ATP8A2: variants seen among roughly 807,000 people sequenced by gnomAD.
The protein encoded by ATP8A2 is phospholipid-transporting ATPase IB.
ATP8A2 carries 100 observed loss-of-function variants against 165.6 expected under a neutral mutation model. The ratio of observed to expected loss-of-function variants is 0.60; its 90% confidence interval spans 0.51 to 0.71. ATP8A2 has a LOEUF of 0.71. Among genes scored for constraint, ATP8A2 ranks in the 30% least tolerant of loss-of-function variants. The pLI, the probability that ATP8A2 is intolerant of heterozygous loss-of-function variation, is 0.00. For missense variants in ATP8A2, 1,227 were observed against 1,479.5 expected (o/e 0.83, Z 2.80); for synonymous variants, 543 against 548.8 (o/e 0.99, Z 0.15).
intron 23 of ATP8A2, among the ~76,000 whole-genome samples, chr13:25,585,999 G>C (rs1442150732): frequency 6.6e-6 from 1 of 152,054 alleles, no homozygotes; most frequent in Non-Finnish European, 1.5e-5. Context: ...TGTTAATTAT[G>C]ACTGGCTTTT....
At chr13:25,622,044 A>G (rs1008264891) in intron 24 of ATP8A2, among the ~76,000 whole-genome samples, 1 of 151,978 alleles carries the variant, frequency 6.6e-6, no homozygotes, top group African/African-American at 2.4e-5. Context: ...ATCTCTGCTA[A>G]AAACATAAAA....
intron 33 of ATP8A2, among the ~76,000 whole-genome samples, chr13:25,868,941 C>T (rs1272784711): frequency 6.6e-6 from 1 of 151,890 alleles, no homozygotes; most frequent in Non-Finnish European, 1.5e-5. Flanking sequence ...TGGTGGCGGG[C>T]GCCTGTAGTC....
Position 25,570,759 on chromosome 13 carries a change from G to A in ATP8A2, c.1474-8G>A, listed in dbSNP as rs769181457. The A allele has an allele frequency of 4.3e-6, 7 of 1,610,748 alleles. No individual in the cohort carries two copies. Among genetic ancestry groups the A allele is most frequent in the African/African-American group, 4.0e-5 (3 of 74,856 alleles). On this transcript the variant is annotated splice_polypyrimidine_tract_variant and splice_region_variant and intron_variant, in intron 16 of 36. Transcript: ENST00000381655. ...GTATCTGACACTAATCCCGCCTCAC[G>A]TTTGCAGCCCACAGCCCCTTGCATT... is the stretch of plus-strand genomic sequence containing the variant.
At chr13:25,719,855 G>C (rs1433246722) in intron 25 of ATP8A2, among the ~76,000 whole-genome samples, 1 of 152,162 alleles carries the variant, frequency 6.6e-6, no homozygotes, top group Non-Finnish European at 1.5e-5. Context: ...ATCGCTGTGG[G>C]GCCCCCATGG....
chr13:25,417,382 C>A (rs2034162707), intron 1 of ATP8A2, among the ~76,000 whole-genome samples: 1 of 119,664 alleles, frequency 8.4e-6, no homozygotes, highest in Non-Finnish European at 1.8e-5. Flanking sequence ...CCTTTTTGGT[C>A]TGGGCTTGAC....
intron 33 of ATP8A2, among the ~76,000 whole-genome samples, chr13:25,885,597 C>T (rs1298856251): frequency 6.6e-6 from 1 of 152,166 alleles, no homozygotes; most frequent in East Asian, 1.9e-4. Context: ...GCGACTGCAG[C>T]AGTCTCAGCA....
At chr13:25,832,226 C>T (rs1217311064) in intron 28 of ATP8A2, among the ~76,000 whole-genome samples, 4 of 152,282 alleles carry the variant, frequency 2.6e-5, no homozygotes, top group African/African-American at 7.2e-5. Flanking sequence ...GCGTGAGCCA[C>T]TGTGCCTGGC....
chr13:25,981,658 A>T (rs757384111), intron 35 of ATP8A2, among the ~76,000 whole-genome samples: 21 of 152,166 alleles, frequency 1.4e-4, no homozygotes, highest in African/African-American at 2.4e-4. Context: ...AATATTTTTT[A>T]AAAATATTCA....
At chr13:25,529,215 A>G (rs894141321) in intron 2 of ATP8A2, among the ~76,000 whole-genome samples, 2 of 152,298 alleles carry the variant, frequency 1.3e-5, no homozygotes, top group South Asian at 4.1e-4. Flanking sequence ...AGGTACTTTT[A>G]TGGTGCAAAC....
intron 24 of ATP8A2, among the ~76,000 whole-genome samples, chr13:25,628,426 T>A (rs1371276264): frequency 6.6e-6 from 1 of 152,218 alleles, no homozygotes; most frequent in Admixed American, 6.5e-5. Context: ...TCCACACCTG[T>A]AAATGCACTT....
chr13:25,799,264 C>A (rs1319352542), intron 27 of ATP8A2, among the ~76,000 whole-genome samples: 1 of 152,150 alleles, frequency 6.6e-6, no homozygotes, highest in Non-Finnish European at 1.5e-5. Context: ...TTGGATTCAA[C>A]CTTCTATCCT....
At chr13:25,819,921 G>A (rs566189781) in intron 27 of ATP8A2, among the ~76,000 whole-genome samples, 34 of 152,290 alleles carry the variant, frequency 2.2e-4, no homozygotes, top group Admixed American at 1.1e-3. Flanking sequence ...TTAGTAGATC[G>A]TGATGTTATT....
At chr13:25,770,641 G>T (rs1305154347) in intron 26 of ATP8A2, among the ~76,000 whole-genome samples, 2 of 152,188 alleles carry the variant, frequency 1.3e-5, no homozygotes, top group Non-Finnish European at 2.9e-5. Flanking sequence ...TGTCTAGGCA[G>T]TGGGCAAGGT....
intron 33 of ATP8A2, among the ~76,000 whole-genome samples, chr13:25,908,561 A>G (rs1954014149): frequency 6.6e-6 from 1 of 152,176 alleles, no homozygotes. Context: ...GTTCTGTTTT[A>G]AGGCTCAGTG....
intron 27 of ATP8A2, among the ~76,000 whole-genome samples, chr13:25,775,623 A>G (rs1313474419): frequency 6.6e-6 from 1 of 152,160 alleles, no homozygotes; most frequent in Non-Finnish European, 1.5e-5. Context: ...CCAGGAAGAA[A>G]TGGAAAAGTC....
chr13:25,740,223 G>A (rs1338256731), intron 25 of ATP8A2, among the ~76,000 whole-genome samples: 1 of 151,362 alleles, frequency 6.6e-6, no homozygotes, highest in Non-Finnish European at 1.5e-5. Context: ...GCAGGAGAAT[G>A]GTGTGAACCT....
At chr13:25,571,305 G>A (rs2039461313) in intron 17 of ATP8A2, among the ~76,000 whole-genome samples, 1 of 152,174 alleles carries the variant, frequency 6.6e-6, no homozygotes, top group African/African-American at 2.4e-5. Context: ...GATGTTTGGT[G>A]GGAGTCATGG....
In ATP8A2 at chr13:25,818,268, A is replaced by G. The variant is rs576823836; in HGVS notation, c.2680-9850A>G. On this transcript the variant is annotated intron_variant, in intron 27 of 36. Transcript: ENST00000381655. ...AAAAGGATCCCTTGGCACTCAAGGAAAAAGATCTGGATAATTCATAAATTT... is the reference window on the plus strand; with the variant it reads ...AAAAGGATCCCTTGGCACTCAAGGAGAAAGATCTGGATAATTCATAAATTT... 3.9e-5 allele frequency among the ~76,000 whole-genome samples: 6 copies of G among 152,290 alleles called. No individual in the cohort carries two copies. In the South Asian group the frequency reaches 1.2e-3, roughly 32 times the overall value.
intron 24 of ATP8A2, among the ~76,000 whole-genome samples, chr13:25,596,324 C>T (rs781107349): frequency 8.5e-5 from 13 of 152,124 alleles, no homozygotes; most frequent in Non-Finnish European, 1.6e-4. Context: ...TACATACCTA[C>T]AATTAAATGT....
Sources: gnomAD v4.1 joint callset for allele counts (sites outside exome capture counted in the v4.1 genomes callset) on GRCh38, gnomAD v4.1.1 for gene constraint, MANE v1.5 for transcripts, NCBI Gene and HGNC (gene_info 2026-07-23, HGNC 2026-07-21) for gene names.